Variants in NPAS3 observed in about 807,000 individuals in gnomAD.
The protein encoded by NPAS3 is neuronal PAS domain-containing protein 3.
Under a neutral mutation model 73.1 loss-of-function variants are expected in NPAS3, and 14 were observed. That is an observed-to-expected ratio of 0.19 (90% CI 0.13 to 0.30). NPAS3 has a LOEUF of 0.30. Ranked by LOEUF, NPAS3 falls within the 10% of genes least tolerant of loss-of-function variation. The probability of loss-of-function intolerance (pLI) is 1.00; values close to 1 mark genes in which losing one functional copy is unlikely to be tolerated. For missense variants in NPAS3, 1,096 were observed against 1,250.0 expected (o/e 0.88, Z 1.86); for synonymous variants, 620 against 541.5 (o/e 1.14, Z -2.01).
At chr14:33,083,880 TCTC>T (rs1464106259) in intron 2 of NPAS3, among the ~76,000 whole-genome samples, 14 of 152,106 alleles carry the variant, frequency 9.2e-5, no homozygotes, top group African/African-American at 3.4e-4. Context: ...AATCCACACT[TCTC>T]CTTTTTCCTA....
chr14:33,400,713 T>A (rs2047408666), intron 4 of NPAS3, among the ~76,000 whole-genome samples: 1 of 152,176 alleles, frequency 6.6e-6, no homozygotes, highest in South Asian at 2.1e-4. Flanking sequence ...TCATTTTCAG[T>A]GGCATTTGGA....
intron 4 of NPAS3, among the ~76,000 whole-genome samples, chr14:33,395,863 A>G (rs2047200292): frequency 1.3e-5 from 2 of 152,152 alleles, no homozygotes; most frequent in Admixed American, 6.6e-5. Flanking sequence ...GGCACTTTCC[A>G]TAGCACTAAT....
intron 1 of NPAS3, among the ~76,000 whole-genome samples, chr14:33,049,510 C>T (rs909775598): frequency 3.9e-5 from 6 of 152,104 alleles, no homozygotes; most frequent in Admixed American, 6.6e-5. Context: ...CAGGCAAAGA[C>T]GAGGGCTTAT....
intron 2 of NPAS3, among the ~76,000 whole-genome samples, chr14:33,112,302 C>T (rs2042921876): frequency 6.6e-6 from 1 of 152,168 alleles, no homozygotes; most frequent in Non-Finnish European, 1.5e-5. Flanking sequence ...TAAAAGTGTT[C>T]CTATTTCTCC....
intron 6 of NPAS3, among the ~76,000 whole-genome samples, chr14:33,684,630 C>A (rs760903222): frequency 6.6e-6 from 1 of 152,210 alleles, no homozygotes; most frequent in Non-Finnish European, 1.5e-5. Flanking sequence ...TAAACTCATA[C>A]CACAGTGATC....
rs528109389 is a variant in NPAS3, at chr14:33,061,470, T to C, written c.140+5476T>C. Among the ~76,000 whole-genome samples the C allele has an allele frequency of 2.8e-3, 420 of 152,352 alleles. 4 individuals carry two copies. The highest frequency in any genetic ancestry group is 0.017 in the South Asian group (81 of 4,830). ...TCAAGCCTTTCGATATCCAAATGAA[T>C]TCTAATTTCCACATCATGCCTTTCA... is the stretch of plus-strand genomic sequence containing the variant. On this transcript the variant is annotated intron_variant, in intron 2 of 11. Coordinates refer to ENST00000356141, the Ensembl canonical transcript of NPAS3.
At chr14:33,575,053 G>A (rs1298834170) in intron 5 of NPAS3, among the ~76,000 whole-genome samples, 1 of 152,208 alleles carries the variant, frequency 6.6e-6, no homozygotes, top group Non-Finnish European at 1.5e-5. Flanking sequence ...TCAGGTCAAG[G>A]CAAGAATAAT....
intron 5 of NPAS3, among the ~76,000 whole-genome samples, chr14:33,655,660 A>G (rs1419904067): frequency 6.6e-6 from 1 of 152,028 alleles, no homozygotes; most frequent in Non-Finnish European, 1.5e-5. Flanking sequence ...AGCCCAAAGA[A>G]TCCTTTTCCA....
chr14:33,685,040 G>A (rs898825518), intron 6 of NPAS3, among the ~76,000 whole-genome samples: 1 of 152,332 alleles, frequency 6.6e-6, no homozygotes, highest in Admixed American at 6.5e-5. Context: ...TTATTAACTA[G>A]AATGAATTTT....
intron 2 of NPAS3, among the ~76,000 whole-genome samples, chr14:33,191,456 A>G (rs2046169637): frequency 6.6e-6 from 1 of 152,348 alleles, no homozygotes; most frequent in African/African-American, 2.4e-5. Flanking sequence ...GGCAATAAAG[A>G]TAGAAGGTCT....
chr14:33,258,358 C>A (rs930682145), intron 3 of NPAS3, among the ~76,000 whole-genome samples: 1 of 152,136 alleles, frequency 6.6e-6, no homozygotes, highest in Non-Finnish European at 1.5e-5. Flanking sequence ...ACTGAGATCA[C>A]ACCACTGCAC....
At chr14:33,269,126 C>T (rs934904816) in intron 3 of NPAS3, among the ~76,000 whole-genome samples, 4 of 151,944 alleles carry the variant, frequency 2.6e-5, no homozygotes, top group Non-Finnish European at 5.9e-5. Context: ...CTTATTTTAT[C>T]TAAAATATTG....
chr14:33,750,264 T>C (rs1026293655), intron 7 of NPAS3, among the ~76,000 whole-genome samples: 4 of 151,910 alleles, frequency 2.6e-5, no homozygotes, highest in African/African-American at 9.7e-5. Flanking sequence ...ATTCTAATAA[T>C]AATAATTCCC....
At chr14:33,109,234 T>C (rs766784843) in intron 2 of NPAS3, among the ~76,000 whole-genome samples, 14 of 152,186 alleles carry the variant, frequency 9.2e-5, no homozygotes, top group Non-Finnish European at 1.6e-4. Context: ...CAAATTCTGA[T>C]TCCAGCAAAT....
At chr14:33,315,367 G>A (rs1469056189) in intron 3 of NPAS3, among the ~76,000 whole-genome samples, 1 of 152,012 alleles carries the variant, frequency 6.6e-6, no homozygotes, top group African/African-American at 2.4e-5. Context: ...ATTCTTTATT[G>A]TGTTTCCTTG....
At chr14:32,977,664 TGAG>T (rs2037743396) in intron 1 of NPAS3, among the ~76,000 whole-genome samples, 2 of 152,218 alleles carry the variant, frequency 1.3e-5, no homozygotes, top group East Asian at 3.9e-4. Flanking sequence ...CCCAGGAGGT[TGAG>T]GCTGCAGTGA....
intron 7 of NPAS3, among the ~76,000 whole-genome samples, chr14:33,767,920 C>G (rs2062517157): frequency 6.6e-6 from 1 of 152,094 alleles, no homozygotes; most frequent in African/African-American, 2.4e-5. Flanking sequence ...CAACAGAAAA[C>G]TGAAAGGAGC....
intron 1 of NPAS3, among the ~76,000 whole-genome samples, chr14:32,975,890 T>C (rs57393917): frequency 8.1e-6 from 1 of 123,162 alleles, no homozygotes; most frequent in African/African-American, 3.0e-5. Context: ...TGTGTGTGTG[T>C]GTGTGTGAGA....
At chr14:33,666,244 A>C (rs1364562858) in intron 5 of NPAS3, among the ~76,000 whole-genome samples, 2 of 152,144 alleles carry the variant, frequency 1.3e-5, no homozygotes, top group Admixed American at 6.5e-5. Context: ...AGAGTGTAAT[A>C]CACCACCCCT....
Sources: allele counts gnomAD v4.1 joint callset (sites outside exome capture counted in the v4.1 genomes callset), GRCh38; gene constraint gnomAD v4.1.1; transcripts MANE v1.5; gene names NCBI Gene and HGNC (gene_info 2026-07-23, HGNC 2026-07-21).